Variants in FLNB observed in about 807,000 individuals in gnomAD.
FLNB encodes the protein filamin B, also known as filamin-B.
A neutral mutation model predicts 250.6 loss-of-function variants in FLNB; 111 were observed. The ratio of observed to expected loss-of-function variants is 0.44; its 90% CI spans 0.38 to 0.52. The LOEUF (loss-of-function observed/expected upper bound fraction) is 0.52. FLNB is among the 20% of genes least tolerant of loss of function. The pLI is 0.00. For synonymous variants in FLNB, 1,302 were observed against 1,372.1 expected (o/e 0.95, Z 1.13); for missense variants, 2,869 against 3,447.8 (o/e 0.83, Z 4.20).
chr3:58,116,623 C>T (rs944589626), intron 18 of FLNB, among the ~76,000 whole-genome samples: 3 of 152,132 alleles, frequency 2.0e-5, no homozygotes, highest in Admixed American at 6.5e-5. Flanking sequence ...AAGTAGAGCG[C>T]GTTTTGCCTT....
At chr3:58,108,939 T>C (rs1363385078) in intron 13 of FLNB, among the ~76,000 whole-genome samples, 1 of 152,214 alleles carries the variant, frequency 6.6e-6, no homozygotes, top group Non-Finnish European at 1.5e-5. Context: ...ATGCAGGAAT[T>C]GAGTGGCCAA....
intron 29 of FLNB, among the ~76,000 whole-genome samples, 186 bp from the exon 30 acceptor site, chr3:58,141,672 A>T (rs2097327357): frequency 6.6e-6 from 1 of 152,172 alleles, no homozygotes; most frequent in Admixed American, 6.5e-5. Flanking sequence ...GGGCATGCGC[A>T]TCTGACAGTT....
At chr3:58,092,801 A>T (rs2097230345) in intron 4 of FLNB, among the ~76,000 whole-genome samples, 1 of 152,216 alleles carries the variant, frequency 6.6e-6, no homozygotes, top group African/African-American at 2.4e-5. Flanking sequence ...TAAAGAAAAA[A>T]AACTTTTCTC....
chr3:58,020,913 C>T (rs751442641), intron 1 of FLNB, among the ~76,000 whole-genome samples: 18 of 151,846 alleles, frequency 1.2e-4, no homozygotes, highest in Non-Finnish European at 2.2e-4. Context: ...CAGGCAGGAA[C>T]GGTGCTACCT....
chr3:58,155,690 T>C (rs2097352268), intron 40 of FLNB, among the ~76,000 whole-genome samples: 1 of 152,202 alleles, frequency 6.6e-6, no homozygotes. Flanking sequence ...AATTAAAACG[T>C]AATTTTTTCC....
At chr3:58,124,963 G>A (rs556954850) in intron 22 of FLNB, among the ~76,000 whole-genome samples, 6 of 152,060 alleles carry the variant, frequency 3.9e-5, no homozygotes, top group Non-Finnish European at 7.4e-5. Flanking sequence ...TGTTTCACGG[G>A]TTTCGCTTTT....
At chr3:58,087,523 G>A (rs2097219139) in intron 4 of FLNB, among the ~76,000 whole-genome samples, 1 of 151,746 alleles carries the variant, frequency 6.6e-6, no homozygotes, top group Non-Finnish European at 1.5e-5. Context: ...GCATGATCTC[G>A]GCCCACTGCA....
chr3:58,097,922 G>T lies in FLNB; in HGVS notation c.1092G>T (p.Leu364Phe). Reference sequence around the variant, plus strand: ...AAGTCACTGCAAAAGGTCCAGGGTTGGAAGCTGTAGGGAACATCGCCAATA... The same window carrying T: ...AAGTCACTGCAAAAGGTCCAGGGTTTGAAGCTGTAGGGAACATCGCCAATA... ...ASKVTAKGPG[L>F]EAVGNIANKP... is the part of the protein sequence containing the mutation. The change falls in exon 7 of 46, where the codon TTG (leucine) becomes TTT (phenylalanine). Residue 364 changes from leucine to phenylalanine, a missense_variant. Transcript: ENST00000295956. The T allele has an allele frequency of 1.2e-5, 19 of 1,614,148 alleles. No homozygotes were observed. The highest frequency in any genetic ancestry group is 1.6e-5 in the Non-Finnish European group (19 of 1,180,018).
chr3:58,088,722 A>C (rs1319298990), intron 4 of FLNB, among the ~76,000 whole-genome samples: 1 of 152,184 alleles, frequency 6.6e-6, no homozygotes, highest in Non-Finnish European at 1.5e-5. Context: ...CAGAAAACTT[A>C]AAGAGTCACT....
intron 1 of FLNB, among the ~76,000 whole-genome samples, chr3:58,048,823 ATGTG>A: frequency 6.6e-6 from 1 of 152,310 alleles, no homozygotes; most frequent in South Asian, 2.1e-4. Flanking sequence ...AATTGTTTGT[ATGTG>A]TGTTAATTTT....
At chr3:58,103,019 G>A (rs1274474125) in intron 9 of FLNB, among the ~76,000 whole-genome samples, 1 of 152,106 alleles carries the variant, frequency 6.6e-6, no homozygotes, top group Non-Finnish European at 1.5e-5. Flanking sequence ...AGCCTTTGGT[G>A]GTTTTACTCC....
chr3:58,020,891 G>A (rs1218127670), intron 1 of FLNB, among the ~76,000 whole-genome samples: 1 of 152,036 alleles, frequency 6.6e-6, no homozygotes, highest in Non-Finnish European at 1.5e-5. Flanking sequence ...GCAGCAGTCA[G>A]CTTTCCTTCA....
chr3:58,059,026 G>C (rs1016972929), intron 1 of FLNB, among the ~76,000 whole-genome samples: 36 of 152,190 alleles, frequency 2.4e-4, no homozygotes, highest in African/African-American at 8.7e-4. Context: ...CTGTGACACT[G>C]TAGCCCTCTC....
At chr3:58,126,276 A>G (rs570135455) in intron 23 of FLNB, among the ~76,000 whole-genome samples, 1 of 152,244 alleles carries the variant, frequency 6.6e-6, no homozygotes, top group African/African-American at 2.4e-5. Context: ...ACTACTTGGG[A>G]GGCTGAGGCA....
In FLNB at chr3:58,025,473, A is replaced by T. The variant is rs560688626; in HGVS notation, c.292+16617A>T. 6.6e-5 allele frequency among the ~76,000 whole-genome samples: 10 copies of T among 151,710 alleles called. No individual in the cohort carries two copies. In the East Asian group the frequency reaches 1.9e-3, roughly 29 times the overall value. On this transcript the variant is annotated intron_variant, in intron 1 of 45. Coordinates refer to ENST00000295956, the MANE Select transcript of FLNB (RefSeq NM_001457.4). The stretch of plus-strand genomic sequence containing the variant: ...TCTTTCCTGGTTTTGCCTGTCCCAG[A>T]CCACCCTCTTGGAAAGATGCTCTCC...
intron 8 of FLNB, among the ~76,000 whole-genome samples, chr3:58,099,872 C>A (rs2097246568): frequency 6.6e-6 from 1 of 152,198 alleles, no homozygotes; most frequent in Non-Finnish European, 1.5e-5. Context: ...GGAACCCAAA[C>A]CCACTGTCTA....
chr3:58,154,765 C>T, intron 39 of FLNB, 26 bp from the exon 40 acceptor site: 2 of 1,613,082 alleles, frequency 1.2e-6, no homozygotes, highest in African/African-American at 1.3e-5. Flanking sequence ...GGCTCAGTCA[C>T]TAACCAGGTT....
At chr3:58,088,938 G>C (rs1249041082) in intron 4 of FLNB, among the ~76,000 whole-genome samples, 1 of 152,076 alleles carries the variant, frequency 6.6e-6, no homozygotes, top group Non-Finnish European at 1.5e-5. Flanking sequence ...CCCCAATCTT[G>C]AGCATCAGTC....
intron 19 of FLNB, among the ~76,000 whole-genome samples, chr3:58,119,357 G>T (rs1282742641): frequency 6.6e-6 from 1 of 152,204 alleles, no homozygotes; most frequent in Non-Finnish European, 1.5e-5. Context: ...GGGCTATGTT[G>T]CTTTCTGATG....
Sources: allele counts gnomAD v4.1 joint callset (sites outside exome capture counted in the v4.1 genomes callset), GRCh38; gene constraint gnomAD v4.1.1; transcripts MANE v1.5; gene names NCBI Gene and HGNC (gene_info 2026-07-23, HGNC 2026-07-21).